ATP8A2: variants seen among roughly 807,000 people sequenced by gnomAD.
The protein encoded by ATP8A2 is ATPase phospholipid transporting 8A2.
A neutral mutation model predicts 165.6 loss-of-function variants in ATP8A2; 100 were observed. The ratio of observed to expected loss-of-function variants is 0.60; its 90% CI spans 0.51 to 0.71. ATP8A2 has a LOEUF of 0.71. Ranked by LOEUF, ATP8A2 falls within the 30% of genes least tolerant of loss-of-function variation. The probability of loss-of-function intolerance (pLI) is 0.00; values close to 1 mark genes in which losing one functional copy is unlikely to be tolerated. For missense variants in ATP8A2, 1,227 were observed against 1,479.5 expected (o/e 0.83, Z 2.80); for synonymous variants, 543 against 548.8 (o/e 0.99, Z 0.15).
chr13:25,748,001 G>C (rs1419063221), intron 25 of ATP8A2, among the ~76,000 whole-genome samples: 2 of 152,080 alleles, frequency 1.3e-5, no homozygotes, highest in African/African-American at 2.4e-5. Flanking sequence ...AAATCTATAA[G>C]GGTTAACTAC....
At chr13:25,470,856 G>C (rs1364000190) in intron 2 of ATP8A2, among the ~76,000 whole-genome samples, 1 of 152,210 alleles carries the variant, frequency 6.6e-6, no homozygotes, top group Non-Finnish European at 1.5e-5. Flanking sequence ...GAAGAAGCCA[G>C]TCACAAAAGG....
intron 2 of ATP8A2, among the ~76,000 whole-genome samples, chr13:25,478,077 T>C (rs1424015462): frequency 2.0e-5 from 3 of 152,206 alleles, no homozygotes; most frequent in Non-Finnish European, 2.9e-5. Context: ...ATTGGAAACA[T>C]ACATGATTTT....
chr13:25,406,924 A>C (rs1366098706), intron 1 of ATP8A2, among the ~76,000 whole-genome samples: 1 of 152,228 alleles, frequency 6.6e-6, no homozygotes, highest in Non-Finnish European at 1.5e-5. Context: ...TCGTCAGGCC[A>C]CCAAGGTAGC....
At chr13:25,880,879 G>A (rs1165898998) in intron 33 of ATP8A2, 2 of 455,230 alleles carry the variant, frequency 4.4e-6, no homozygotes, top group African/African-American at 2.0e-5. Flanking sequence ...GATGAAATAT[G>A]TTTCATGATA....
chr13:25,791,542 T>TACACACACGC (rs1555267349), intron 27 of ATP8A2, among the ~76,000 whole-genome samples: 1 of 142,982 alleles, frequency 7.0e-6, no homozygotes, highest in African/African-American at 2.6e-5. Context: ...CACACACACA[T>TACACACACGC]ACACACACAC....
At chr13:25,656,812 G>C (rs910508219) in intron 24 of ATP8A2, among the ~76,000 whole-genome samples, 1 of 151,158 alleles carries the variant, frequency 6.6e-6, no homozygotes, top group Non-Finnish European at 1.5e-5. Flanking sequence ...CAGCATTTTG[G>C]GAGTCCGAGG....
Position 25,750,594 on chromosome 13 carries a change from C to T in ATP8A2, c.2385-18452C>T, listed in dbSNP as rs2044132623. On this transcript the variant is annotated intron_variant, in intron 25 of 36. Coordinates refer to ENST00000381655, the MANE Select transcript of ATP8A2 (RefSeq NM_016529.6). This position sits in a 1 kb window ranked among gnomAD's most constrained non-coding sequence, Gnocchi z 4.3. ...CTTTCAGTTCAGCAGGGCCCTTCGCCCCACCACGTGATGGGATTCTAGAAA... is the reference window on the plus strand; with the variant it reads ...CTTTCAGTTCAGCAGGGCCCTTCGCTCCACCACGTGATGGGATTCTAGAAA... 6.6e-6 allele frequency among the ~76,000 whole-genome samples: 1 copy of T among 152,180 alleles called. No individual in the cohort carries two copies. Among genetic ancestry groups the T allele is most frequent in the South Asian group, 2.1e-4 (1 of 4,832 alleles).
chr13:25,919,229 A>G (rs537636353), intron 33 of ATP8A2, among the ~76,000 whole-genome samples: 2 of 152,316 alleles, frequency 1.3e-5, no homozygotes, highest in Non-Finnish European at 2.9e-5. Flanking sequence ...CTCAGACCTG[A>G]GGGAAGACAA....
intron 24 of ATP8A2, among the ~76,000 whole-genome samples, chr13:25,647,356 G>A (rs1263850531): frequency 6.6e-6 from 1 of 152,154 alleles, no homozygotes; most frequent in Non-Finnish European, 1.5e-5. Flanking sequence ...TGGAAAGACA[G>A]CTTTGCTATG....
At chr13:25,561,144 C>T (rs1477108387) in intron 15 of ATP8A2, among the ~76,000 whole-genome samples, 1 of 152,158 alleles carries the variant, frequency 6.6e-6, no homozygotes, top group Non-Finnish European at 1.5e-5. Context: ...CTCGGCCTCC[C>T]AAAGTGAATT....
intron 25 of ATP8A2, among the ~76,000 whole-genome samples, chr13:25,718,918 G>A (rs1429074601): frequency 6.6e-6 from 1 of 152,142 alleles, no homozygotes; most frequent in East Asian, 1.9e-4. Context: ...GAGTGGAAGG[G>A]AATGGGCCCC....
chr13:26,025,148 A>AAAAAAAGG lies in ATP8A2; in HGVS notation c.*5167_*5174dup, dbSNP rs1957145836. 1 of 151,744 alleles carries AAAAAAAGG rather than the reference A, an allele frequency of 6.6e-6. No individual in the cohort carries two copies. Among genetic ancestry groups the AAAAAAAGG allele is most frequent in the Non-Finnish European group, 1.5e-5 (1 of 67,990 alleles). The allele number at this position is 151,744 out of a possible 1,614,324, so 9.4% of individuals were successfully genotyped here. A position where few individuals can be genotyped will look rare whatever the true frequency, so the allele number is the denominator to read the frequency against. On this transcript the variant is annotated 3_prime_UTR_variant, in exon 37 of 37. Transcript: ENST00000381655. Reference sequence around the variant, plus strand: ...AAAAAAAAAAAAAAAGGAAGAAAAGAAAAAAAGGAAACCAGCCCTGTCATG... The same window carrying AAAAAAAGG: ...AAAAAAAAAAAAAAAGGAAGAAAAGAAAAAAAGGAAAAAAGGAAACCAGCCCTGTCATG...
At chr13:25,905,674 T>C (rs1886968) in intron 33 of ATP8A2, among the ~76,000 whole-genome samples, 1 of 152,028 alleles carries the variant, frequency 6.6e-6, no homozygotes, top group Non-Finnish European at 1.5e-5. Context: ...TGCAATCTAC[T>C]CTCCAGCCTC....
intron 36 of ATP8A2, among the ~76,000 whole-genome samples, chr13:26,018,333 G>A (rs955708587): frequency 2.0e-5 from 3 of 152,196 alleles, no homozygotes; most frequent in African/African-American, 7.2e-5. Context: ...TCCATCCCAC[G>A]AGGACTCTTC....
chr13:25,419,769 C>T (rs1272149360), intron 1 of ATP8A2, among the ~76,000 whole-genome samples: 1 of 152,064 alleles, frequency 6.6e-6, no homozygotes, highest in South Asian at 2.1e-4. Flanking sequence ...GATTAGGAAA[C>T]AGCAAGTGTG....
intron 24 of ATP8A2, among the ~76,000 whole-genome samples, chr13:25,687,871 C>A (rs546897153): frequency 1.3e-5 from 2 of 152,294 alleles, no homozygotes; most frequent in South Asian, 2.1e-4. Flanking sequence ...TCCAGTCCAT[C>A]TTCCATACTG....
intron 27 of ATP8A2, among the ~76,000 whole-genome samples, chr13:25,785,696 C>T (rs1289360983): frequency 2.0e-5 from 3 of 152,140 alleles, no homozygotes; most frequent in Admixed American, 6.5e-5. Context: ...TCTCTCTATA[C>T]CCAAATAGCA....
intron 29 of ATP8A2, among the ~76,000 whole-genome samples, chr13:25,837,625 G>C (rs1176092939): frequency 6.6e-6 from 1 of 152,124 alleles, no homozygotes; most frequent in African/African-American, 2.4e-5. Context: ...CCAGGTTCAG[G>C]ATCCGCTGTC....
intron 33 of ATP8A2, among the ~76,000 whole-genome samples, chr13:25,872,290 G>A (rs1426904995): frequency 6.6e-6 from 1 of 152,082 alleles, no homozygotes; most frequent in Non-Finnish European, 1.5e-5. Flanking sequence ...GTCTCTTATA[G>A]GAGGACGGTG....
Sources: allele counts gnomAD v4.1 joint callset (sites outside exome capture counted in the v4.1 genomes callset), GRCh38; gene constraint gnomAD v4.1.1; non-coding constraint Gnocchi (gnomAD v3.1); transcripts MANE v1.5; gene names NCBI Gene and HGNC (gene_info 2026-07-23, HGNC 2026-07-21).